The following PARD3B variants were observed in gnomAD, a reference collection of about 807,000 sequenced individuals.
PARD3B encodes the protein par-3 family cell polarity regulator beta.
In PARD3B, 103 loss-of-function variants were observed where a neutral mutation model predicts 130.2. The observed-to-expected ratio is 0.79, with a 90% CI of 0.67 to 0.93. The LOEUF (loss-of-function observed/expected upper bound fraction) is 0.93, where lower values mean the gene tolerates loss of function less well. PARD3B is among the 40% of genes least tolerant of loss of function. The probability of loss-of-function intolerance (pLI) is 0.00; values close to 1 mark genes in which losing one functional copy is unlikely to be tolerated. For synonymous variants in PARD3B, 583 were observed against 553.2 expected (o/e 1.05, Z -0.76); for missense variants, 1,609 against 1,499.2 (o/e 1.07, Z -1.21).
At chr2:205,181,828 T>C (rs2035803927) in intron 13 of PARD3B, among the ~76,000 whole-genome samples, 1 of 152,168 alleles carries the variant, frequency 6.6e-6, no homozygotes, top group East Asian at 1.9e-4. Flanking sequence ...CATAGATATA[T>C]ACGAAATGAC....
intron 16 of PARD3B, among the ~76,000 whole-genome samples, chr2:205,299,560 A>ATT (rs1248164342): frequency 2.7e-4 from 1 of 3,674 alleles, no homozygotes; most frequent in Admixed American, 5.0e-3. Context: ...AATATTATAT[A>ATT]TTATATATAT....
Position 205,615,762 on chromosome 2 carries a change from T to C in PARD3B, c.3567T>C (p.Pro1189=), listed in dbSNP as rs56272619. ...GPRGGSPDQY[P]YRTQDSRQKN... is the part of the protein sequence containing the mutation. Reference sequence around the variant, plus strand: ...GTGGGGGCAGCCCAGACCAGTACCCTTACCGAACCCAGGATTCCCGGCAGA... The same window carrying C: ...GTGGGGGCAGCCCAGACCAGTACCCCTACCGAACCCAGGATTCCCGGCAGA... The change falls in exon 23 of 23, where the codon CCT becomes CCC. Residue 1189 remains proline (P), a synonymous_variant. Coordinates refer to ENST00000406610, the MANE Select transcript of PARD3B (RefSeq NM_001302769.2). The C allele has an allele frequency of 0.029, 47,360 of 1,613,842 alleles. 839 individuals carry two copies. Among genetic ancestry groups the C allele is most frequent in the Non-Finnish European group, 0.035 (40,922 of 1,179,920 alleles).
chr2:205,185,969 T>C, intron 14 of PARD3B, 106 bp downstream of exon 14: 1 of 954,972 alleles, frequency 1.0e-6, no homozygotes, highest in Non-Finnish European at 1.7e-6. Context: ...CTTTCTGGAA[T>C]GGAAATCTTA....
In PARD3B at chr2:204,890,285, C is replaced by A. The variant is rs1306694700; in HGVS notation, c.223-74867C>A. Among the ~76,000 whole-genome samples, 1 of 152,114 alleles carries A rather than the reference C, an allele frequency of 6.6e-6. No homozygotes were observed. Among genetic ancestry groups the A allele is most frequent in the Non-Finnish European group, 1.5e-5 (1 of 68,038 alleles). ...ATAGTAGGCATTTTATAAATACTTA[C>A]TGAATGAATAAATAGAAGATGACAA... On this transcript the variant is annotated intron_variant, in intron 2 of 22. Transcript: ENST00000406610. This position sits in a 1 kb window ranked among gnomAD's most constrained non-coding sequence, Gnocchi z 4.9.
intron 1 of PARD3B, among the ~76,000 whole-genome samples, chr2:204,577,729 C>A (rs978332564): frequency 1.3e-5 from 2 of 151,990 alleles, no homozygotes; most frequent in African/African-American, 4.8e-5. Flanking sequence ...TGCCACCACA[C>A]CTGGCTAATT....
chr2:205,001,953 A>C (rs750043632), intron 3 of PARD3B, among the ~76,000 whole-genome samples: 3 of 152,204 alleles, frequency 2.0e-5, no homozygotes, highest in Non-Finnish European at 4.4e-5. Flanking sequence ...GTAGAAATAC[A>C]CTGAAATTTA....
At chr2:205,482,216 C>A (rs1227716631) in intron 20 of PARD3B, among the ~76,000 whole-genome samples, 1 of 152,110 alleles carries the variant, frequency 6.6e-6, no homozygotes, top group Non-Finnish European at 1.5e-5. Context: ...TTAGAGAATC[C>A]TTTTAGAGAA....
intron 4 of PARD3B, among the ~76,000 whole-genome samples, chr2:205,102,881 G>A (rs931447134): frequency 6.6e-6 from 1 of 151,820 alleles, no homozygotes; most frequent in African/African-American, 2.4e-5. Context: ...TGGCTAACAC[G>A]GTGAAGCCCC....
chr2:205,365,383 A>AAG (rs1553686074), intron 18 of PARD3B, among the ~76,000 whole-genome samples: 1 of 5,728 alleles, frequency 1.7e-4, no homozygotes, highest in African/African-American at 3.8e-4. Context: ...TCCGTCTCAG[A>AAG]AAAAAAAAAA....
At chr2:205,491,586 T>C (rs1326527491) in intron 20 of PARD3B, among the ~76,000 whole-genome samples, 1 of 152,196 alleles carries the variant, frequency 6.6e-6, no homozygotes, top group African/African-American at 2.4e-5. Flanking sequence ...GACTTGGCAA[T>C]GCGGGCTCTT....
intron 18 of PARD3B, among the ~76,000 whole-genome samples, chr2:205,310,719 CT>C (rs34032930): frequency 0.2 from 16,179 of 81,934 alleles, 364 homozygotes; most frequent in African/African-American, 0.34. Flanking sequence ...TTCTTTCTTT[CT>C]TTTTTTTTTT....
chr2:204,917,335 G>A (rs1467888402), intron 2 of PARD3B, among the ~76,000 whole-genome samples: 9 of 152,190 alleles, frequency 5.9e-5, no homozygotes, highest in Non-Finnish European at 1.3e-4. Context: ...TAGAAGCTAG[G>A]AGCCAGTGAA....
At chr2:205,151,410 G>A (rs143162242) in intron 10 of PARD3B, among the ~76,000 whole-genome samples, 16 of 152,226 alleles carry the variant, frequency 1.1e-4, no homozygotes, top group African/African-American at 3.9e-4. Flanking sequence ...TCTCTTTGTA[G>A]GTCCCTAAGG....
chr2:204,850,475 A>AATATGTATATATATATAGAT (rs58180075), intron 2 of PARD3B, among the ~76,000 whole-genome samples: 9,266 of 150,662 alleles, frequency 0.062, 817 homozygotes, highest in African/African-American at 0.19. Flanking sequence ...AGTCAAAAAA[A>AATATGTATATATATATAGAT]ATATGTATAT....
At position 205,440,666 on chromosome 2, in the gene PARD3B, C is replaced by T. The variant is rs1355297240; in HGVS notation, c.3038C>T (p.Ala1013Val). The change falls in exon 20 of 23, where the codon GCT becomes GTT. Residue 1013 changes from alanine (A) to valine (V), a missense_variant. Physicochemically the swap from Ala to Val is moderately conservative, Grantham distance 64. Transcript: ENST00000406610. The surrounding 1 kb of genome is among the most constrained non-coding windows in gnomAD (Gnocchi z 4.2). The part of the protein sequence containing the change: ...VNKPYHPLVP[A>V]DSGRPTGGST... ...AAGCCATACCATCCACTGGTTCCAG[C>T]TGACAGGTAATAAACTTAGTGAAAG... is the stretch of plus-strand genomic sequence containing the variant. 2 of 1,611,306 alleles carry T rather than the reference C, an allele frequency of 1.2e-6. No individual in the cohort carries two copies. Among genetic ancestry groups the T allele is most frequent in the East Asian group, 2.2e-5 (1 of 44,818 alleles).
At position 205,230,785 on chromosome 2, in the gene PARD3B, G is replaced by A. The variant is rs1157956696; in HGVS notation, c.2141-14993G>A. ...AGAGCGCTTTAGCCTGCAGTGCCAAGGCTTGGCAGAACTCAGGTTCTGACT... is the reference window on the plus strand; with the variant it reads ...AGAGCGCTTTAGCCTGCAGTGCCAAAGCTTGGCAGAACTCAGGTTCTGACT... On this transcript the variant is annotated intron_variant, in intron 15 of 22. Transcript: ENST00000406610. This position sits in a 1 kb window ranked among gnomAD's most constrained non-coding sequence, Gnocchi z 4.1. Among the ~76,000 whole-genome samples the A allele has an allele frequency of 1.3e-5, 2 of 152,150 alleles. No individual in the cohort carries two copies. Among genetic ancestry groups the A allele is most frequent in the African/African-American group, 4.8e-5 (2 of 41,430 alleles).
chr2:205,199,241 C>T (rs2036856601), intron 15 of PARD3B, among the ~76,000 whole-genome samples: 1 of 151,926 alleles, frequency 6.6e-6, no homozygotes, highest in Non-Finnish European at 1.5e-5. Flanking sequence ...TAGATTAGAA[C>T]CCCAACAGGA....
intron 19 of PARD3B, among the ~76,000 whole-genome samples, chr2:205,415,420 G>T (rs530058411): frequency 6.6e-6 from 1 of 152,084 alleles, no homozygotes; most frequent in Non-Finnish European, 1.5e-5. Context: ...TAAGAAATGG[G>T]CACTTAATTC....
At chr2:204,952,565 A>G (rs1689865174) in intron 2 of PARD3B, among the ~76,000 whole-genome samples, 1 of 152,236 alleles carries the variant, frequency 6.6e-6, no homozygotes, top group Admixed American at 6.5e-5. Context: ...ATTTGCAAAA[A>G]TAAAAGACAA....
Sources: allele counts gnomAD v4.1 joint callset (sites outside exome capture counted in the v4.1 genomes callset), GRCh38; gene constraint gnomAD v4.1.1; non-coding constraint Gnocchi (gnomAD v3.1); transcripts MANE v1.5; gene names NCBI Gene and HGNC (gene_info 2026-07-23, HGNC 2026-07-21).